The following SLC16A7 variants were observed in gnomAD, a reference collection of about 807,000 sequenced individuals.
The protein encoded by SLC16A7 is monocarboxylate transporter 2.
Under a neutral mutation model 34.9 loss-of-function variants are expected in SLC16A7, and 33 were observed. The observed-to-expected ratio is 0.94, with a 90% confidence interval of 0.72 to 1.26. SLC16A7 has a LOEUF of 1.26. Among genes scored for constraint, SLC16A7 ranks in the 50% most tolerant of loss-of-function variants. The probability of loss-of-function intolerance (pLI) is 0.00; values close to 1 mark genes in which losing one functional copy is unlikely to be tolerated. For synonymous variants in SLC16A7, 201 were observed against 206.6 expected (o/e 0.97, Z 0.23); for missense variants, 573 against 578.1 (o/e 0.99, Z 0.09).
At chr12:59,740,117 C>A (rs2137279134) in intron 3 of SLC16A7, among the ~76,000 whole-genome samples, 1 of 151,460 alleles carries the variant, frequency 6.6e-6, no homozygotes, top group Non-Finnish European at 1.5e-5. Context: ...GAAGTCCTTG[C>A]CCATGCCTAT....
chr12:59,605,731 C>T (rs1592381933), intron 1 of SLC16A7, among the ~76,000 whole-genome samples: 1 of 152,186 alleles, frequency 6.6e-6, no homozygotes, highest in East Asian at 1.9e-4. Flanking sequence ...TTTTGTAGAC[C>T]TCTCATGCCA....
At chr12:59,616,516 T>A (rs950772296) in intron 1 of SLC16A7, among the ~76,000 whole-genome samples, 2 of 152,246 alleles carry the variant, frequency 1.3e-5, no homozygotes, top group East Asian at 3.9e-4. Flanking sequence ...GTTTTTAAAA[T>A]ACAAAAAAGA....
intron 3 of SLC16A7, among the ~76,000 whole-genome samples, chr12:59,754,542 C>A (rs1880043776): frequency 6.6e-6 from 1 of 152,150 alleles, no homozygotes; most frequent in Non-Finnish European, 1.5e-5. Context: ...GTACACCCTC[C>A]CAAGACTAAA....
intron 4 of SLC16A7, among the ~76,000 whole-genome samples, chr12:59,771,884 T>C (rs1388688294): frequency 2.0e-5 from 3 of 152,152 alleles, no homozygotes; most frequent in Admixed American, 6.6e-5. Flanking sequence ...TTCCTTCTTT[T>C]TCTTACTGAA....
chr12:59,616,875 AT>A (rs570555830), intron 1 of SLC16A7, among the ~76,000 whole-genome samples: 9 of 152,092 alleles, frequency 5.9e-5, no homozygotes, highest in Admixed American at 5.9e-4. Flanking sequence ...TTAATAGCAT[AT>A]TTTTTAGCAT....
intron 3 of SLC16A7, 98 bp downstream of exon 3, chr12:59,705,116 T>G: frequency 1.3e-6 from 1 of 789,372 alleles, no homozygotes; most frequent in Non-Finnish European, 2.1e-6. Context: ...AAAACCCTGT[T>G]TTTATGTTAT....
intron 2 of SLC16A7, among the ~76,000 whole-genome samples, chr12:59,678,237 C>G (rs1870466025): frequency 6.6e-6 from 1 of 152,158 alleles, no homozygotes; most frequent in Non-Finnish European, 1.5e-5. Context: ...TGTGTTTTAG[C>G]CCTGTTTGTG....
At chr12:59,740,353 G>C (rs1878158682) in intron 3 of SLC16A7, among the ~76,000 whole-genome samples, 1 of 152,224 alleles carries the variant, frequency 6.6e-6, no homozygotes, top group African/African-American at 2.4e-5. Flanking sequence ...TCAGATAGTT[G>C]TAGATATGCG....
At chr12:59,648,919 G>A (rs1434988991) in intron 1 of SLC16A7, among the ~76,000 whole-genome samples, 1 of 152,128 alleles carries the variant, frequency 6.6e-6, no homozygotes, top group African/African-American at 2.4e-5. Flanking sequence ...ATTGATTTTG[G>A]TGGGATTTTG....
In SLC16A7 at chr12:59,702,668, G is replaced by A. The variant is rs142557052; in HGVS notation, c.-30-2104G>A. On this transcript the variant is annotated intron_variant, in intron 2 of 5. Transcript: ENST00000547379. ...TGGTAGGCTTCTAACATACAAATGT[G>A]TACCTATAAAAAATCTTTCAAGTTA... 9.4e-3 allele frequency among the ~76,000 whole-genome samples: 1,426 copies of A among 152,136 alleles called. 14 individuals carry two copies. The highest frequency in any genetic ancestry group is 0.024 in the Middle Eastern group (7 of 294).
At chr12:59,669,851 AT>A (rs142740304) in intron 2 of SLC16A7, among the ~76,000 whole-genome samples, 3,683 of 152,256 alleles carry the variant, frequency 0.024, 162 homozygotes, top group African/African-American at 0.084. Context: ...GTGAACTATA[AT>A]TGGGGGTTAT....
chr12:59,761,730 C>T (rs1881037584), intron 3 of SLC16A7, among the ~76,000 whole-genome samples: 1 of 152,018 alleles, frequency 6.6e-6, no homozygotes, highest in African/African-American at 2.4e-5. Context: ...GGCTGAGGCC[C>T]AGGCATAATT....
At chr12:59,607,760 C>T (rs751255357) in intron 1 of SLC16A7, among the ~76,000 whole-genome samples, 1 of 151,910 alleles carries the variant, frequency 6.6e-6, no homozygotes, top group East Asian at 1.9e-4. Context: ...GCTTTTCATA[C>T]CTTATCTCAT....
chr12:59,673,532 T>G (rs978270873), intron 2 of SLC16A7, among the ~76,000 whole-genome samples: 1 of 151,526 alleles, frequency 6.6e-6, no homozygotes, highest in Admixed American at 6.6e-5. Flanking sequence ...TTGTTAGCAA[T>G]AAAATATTTC....
intron 2 of SLC16A7, among the ~76,000 whole-genome samples, chr12:59,688,293 A>T (rs1486955517): frequency 6.6e-6 from 1 of 152,034 alleles, no homozygotes; most frequent in Admixed American, 6.6e-5. Context: ...AAAATACAAG[A>T]GGGTGGAGAA....
At chr12:59,615,319 A>G (rs932301249) in intron 1 of SLC16A7, among the ~76,000 whole-genome samples, 2 of 152,136 alleles carry the variant, frequency 1.3e-5, no homozygotes, top group African/African-American at 4.8e-5. Flanking sequence ...TCCTTTTCAC[A>G]TCCGTGAGAA....
intron 3 of SLC16A7, among the ~76,000 whole-genome samples, chr12:59,735,499 T>C (rs1219571812): frequency 6.6e-6 from 1 of 152,208 alleles, no homozygotes; most frequent in East Asian, 1.9e-4. Context: ...CATCAGTTCA[T>C]GGCGAATAAG....
chr12:59,631,363 AGATATCTGCTAG>A (rs1274895194), intron 1 of SLC16A7, among the ~76,000 whole-genome samples: 1 of 151,934 alleles, frequency 6.6e-6, no homozygotes, highest in African/African-American at 2.4e-5. Context: ...GAACAGATGG[AGATATCTGCTAG>A]GAAAAGAGCA....
At chr12:59,707,333 A>G (rs1873702530) in intron 3 of SLC16A7, among the ~76,000 whole-genome samples, 1 of 152,054 alleles carries the variant, frequency 6.6e-6, no homozygotes, top group Non-Finnish European at 1.5e-5. Context: ...CAAAAGAAGC[A>G]TGTGTTTATA....
Sources: gnomAD v4.1 joint callset for allele counts (sites outside exome capture counted in the v4.1 genomes callset) on GRCh38, gnomAD v4.1.1 for gene constraint, MANE v1.5 for transcripts, NCBI Gene and HGNC (gene_info 2026-07-23, HGNC 2026-07-21) for gene names.